The following CLTC variants were observed in gnomAD, a reference collection of about 807,000 sequenced individuals.
CLTC encodes the protein clathrin heavy chain 1.
Under a neutral mutation model 195.8 loss-of-function variants are expected in CLTC, and 16 were observed. That is an observed-to-expected ratio of 0.08 (90% confidence interval 0.06 to 0.12). The LOEUF (loss-of-function observed/expected upper bound fraction) is 0.12. Among genes scored for constraint, CLTC ranks in the 10% least tolerant of loss-of-function variants. CLTC has a pLI of 1.00. For synonymous variants in CLTC, 667 were observed against 689.4 expected, an observed-to-expected ratio of 0.97 and a Z score of 0.51; for missense variants, 796 against 2,027.0, an observed-to-expected ratio of 0.39 and a Z score of 11.66.
chr17:59,675,207 A>T (rs963744912), intron 16 of CLTC, among the ~76,000 whole-genome samples: 2 of 152,152 alleles, frequency 1.3e-5, no homozygotes, highest in African/African-American at 2.4e-5. Context: ...GGTGTTTCCA[A>T]CCTGAGAAAG....
intron 1 of CLTC, among the ~76,000 whole-genome samples, chr17:59,639,535 A>C (rs1178475867): frequency 6.6e-6 from 1 of 152,220 alleles, no homozygotes; most frequent in Non-Finnish European, 1.5e-5. Context: ...TGAGAGGATA[A>C]TAAAATGTAG....
intron 14 of CLTC, chr17:59,670,846 G>T (rs554756918): frequency 2.6e-5 from 4 of 152,240 alleles, no homozygotes; most frequent in African/African-American, 9.6e-5. Flanking sequence ...CCACACTTGT[G>T]AACTGGGTAC....
intron 7 of CLTC, among the ~76,000 whole-genome samples, chr17:59,660,863 A>C (rs1259701900): frequency 1.3e-5 from 2 of 152,186 alleles, no homozygotes; most frequent in African/African-American, 2.4e-5. Context: ...TTAGTCATTT[A>C]GGTGTTATAC....
In CLTC at chr17:59,661,432, C is replaced by T. The variant is rs2143543047; in HGVS notation, c.1168-11C>T. ...CTTTCGAAGAGCGTTTAACATTTCTCCTTCTTAAAGGGAATTCTTCGTACT... is the reference window on the plus strand; with the variant it reads ...CTTTCGAAGAGCGTTTAACATTTCTTCTTCTTAAAGGGAATTCTTCGTACT... On this transcript the variant is annotated splice_polypyrimidine_tract_variant and intron_variant, in intron 7 of 31. Coordinates refer to ENST00000269122, the MANE Select transcript of CLTC (RefSeq NM_004859.4). The T allele has an allele frequency of 6.2e-7, 1 of 1,611,094 alleles. No homozygotes were observed. The highest frequency in any genetic ancestry group is 2.2e-5 in the East Asian group (1 of 44,858).
intron 5 of CLTC, among the ~76,000 whole-genome samples, chr17:59,653,809 A>T (rs137870377): frequency 1.4e-5 from 2 of 147,124 alleles, no homozygotes; most frequent in African/African-American, 5.1e-5. Context: ...GAGTCTCTCT[A>T]TTGCCCAGAC....
intron 14 of CLTC, among the ~76,000 whole-genome samples, chr17:59,672,701 T>G (rs879779890): frequency 6.6e-6 from 1 of 152,206 alleles, no homozygotes; most frequent in Non-Finnish European, 1.5e-5. Flanking sequence ...CTTCATAGAC[T>G]AGTCTTCGTA....
At chr17:59,664,100 T>C in intron 9 of CLTC, 106 bp downstream of exon 9, 1 of 933,478 alleles carries the variant, frequency 1.1e-6, no homozygotes, top group Non-Finnish European at 1.6e-6. Flanking sequence ...TCCTTTCATT[T>C]TGATTTACTT....
intron 1 of CLTC, among the ~76,000 whole-genome samples, chr17:59,632,175 T>A (rs2031739511): frequency 6.6e-6 from 1 of 151,832 alleles, no homozygotes; most frequent in East Asian, 1.9e-4. Context: ...GAGACCATCC[T>A]GGCTAACACG....
chr17:59,631,148 G>A (rs150478726), intron 1 of CLTC, among the ~76,000 whole-genome samples: 6 of 152,148 alleles, frequency 3.9e-5, no homozygotes, highest in African/African-American at 1.4e-4. Flanking sequence ...CTGTGTGTCT[G>A]CTCCCAAACT....
chr17:59,665,367 T>C lies in CLTC; in HGVS notation c.1644+458T>C, dbSNP rs748718844. ...ACCATCTGCATGTAGTTTTAATACA[T>C]GCAAAACAAACATCTTATTTAGAGA... On this transcript the variant is annotated intron_variant, in intron 10 of 31. Transcript: ENST00000269122. Among the ~76,000 whole-genome samples the C allele has an allele frequency of 1.2e-3, 186 of 152,264 alleles. 2 individuals are homozygous for C. The highest frequency in any genetic ancestry group is 1.9e-3 in the Non-Finnish European group (131 of 68,026).
chr17:59,620,188 G>GGGCTGGTGAGGGCTGTGGAGAA lies in CLTC; in HGVS notation c.42+18_42+39dup. 6.2e-7 allele frequency: 1 copy of GGGCTGGTGAGGGCTGTGGAGAA among 1,613,874 alleles called. No homozygotes were observed. Among genetic ancestry groups the GGGCTGGTGAGGGCTGTGGAGAA allele is most frequent in the Non-Finnish European group, 8.5e-7 (1 of 1,179,784 alleles). On this transcript the variant is annotated intron_variant, in intron 1 of 31. Transcript: ENST00000269122. Reference sequence around the variant, plus strand: ...AGCATCTCCAGGTGCGGCCGGGCCCGGGCTGGTGAGGGCTGTGGAGAAGGT... The same window carrying GGGCTGGTGAGGGCTGTGGAGAA: ...AGCATCTCCAGGTGCGGCCGGGCCCGGGCTGGTGAGGGCTGTGGAGAAGGCTGGTGAGGGCTGTGGAGAAGGT...
intron 1 of CLTC, among the ~76,000 whole-genome samples, chr17:59,637,235 T>C (rs961534434): frequency 1.3e-5 from 2 of 151,958 alleles, no homozygotes; most frequent in Non-Finnish European, 2.9e-5. Context: ...CTTTCAGTTA[T>C]GTCTCTGAAG....
intron 3 of CLTC, 21 bp downstream of exon 3, chr17:59,647,687 T>C (rs1215091638): frequency 1.2e-6 from 2 of 1,602,590 alleles, no homozygotes; most frequent in Non-Finnish European, 1.7e-6. Context: ...AACTATTTTT[T>C]TATGAAGAAG....
In CLTC at chr17:59,663,821, ATC is replaced by A. The variant is rs1567956318; in HGVS notation, c.1369-17_1369-16del. 1 of 1,604,378 alleles carries A rather than the reference ATC, an allele frequency of 6.2e-7. No individual in the cohort carries two copies. Among genetic ancestry groups the A allele is most frequent in the South Asian group, 1.1e-5 (1 of 89,460 alleles). ...AAAACAGTTCATGGATCACTAAACA[ATC>A]TCTTTTTCCTTTGGACAGCTGGAAT... is the stretch of plus-strand genomic sequence containing the variant. On this transcript the variant is annotated intron_variant, in intron 8 of 31. Coordinates refer to ENST00000269122, the MANE Select transcript of CLTC (RefSeq NM_004859.4).
At chr17:59,661,976 G>T (rs2032619429) in intron 8 of CLTC, among the ~76,000 whole-genome samples, 1 of 151,954 alleles carries the variant, frequency 6.6e-6, no homozygotes, top group Admixed American at 6.6e-5. Flanking sequence ...GGTGGCAGGT[G>T]CCTGTAATCC....
At chr17:59,621,518 A>G (rs1295073671) in intron 1 of CLTC, among the ~76,000 whole-genome samples, 1 of 152,232 alleles carries the variant, frequency 6.6e-6, no homozygotes, top group African/African-American at 2.4e-5. Context: ...TTCAGGCTAT[A>G]AGTAACATAA....
intron 30 of CLTC, chr17:59,687,079 A>T (rs1224509705): frequency 1.3e-5 from 12 of 917,510 alleles, no homozygotes; most frequent in Non-Finnish European, 1.6e-5. Context: ...AGGAATTTGC[A>T]TGATGTTTTT....
chr17:59,664,039 T>C (rs2032668177), intron 9 of CLTC, 45 bp downstream of exon 9: 5 of 1,539,154 alleles, frequency 3.2e-6, no homozygotes, highest in Non-Finnish European at 3.6e-6. Flanking sequence ...CATTGAAGCA[T>C]TGACAGAGAA....
chr17:59,690,369 G>A, intron 30 of CLTC: 1 of 331,268 alleles, frequency 3.0e-6, no homozygotes, highest in South Asian at 9.4e-5. Context: ...CCCTCAGGCT[G>A]CATCCTAGCA....
Sources: gnomAD v4.1 joint callset for allele counts (sites outside exome capture counted in the v4.1 genomes callset) on GRCh38, gnomAD v4.1.1 for gene constraint, MANE v1.5 for transcripts, NCBI Gene and HGNC (gene_info 2026-07-23, HGNC 2026-07-21) for gene names.